The following PITPNB variants were observed in gnomAD, a reference collection of about 807,000 sequenced individuals.
PITPNB encodes the protein phosphatidylinositol transfer protein beta.
PITPNB carries 16 observed loss-of-function variants against 45.9 expected under a neutral mutation model. The ratio of observed to expected loss-of-function variants is 0.35; its 90% CI spans 0.24 to 0.53. The LOEUF is 0.53. Ranked by LOEUF, PITPNB falls within the 20% of genes least tolerant of loss-of-function variation. The probability of loss-of-function intolerance (pLI) is 0.93; values close to 1 mark genes in which losing one functional copy is unlikely to be tolerated. For synonymous variants in PITPNB, 112 were observed against 108.9 expected (o/e 1.03, Z -0.18); for missense variants, 188 against 330.5 (o/e 0.57, Z 3.34).
At chr22:27,898,111 C>A in intron 3 of PITPNB, 2 of 471,014 alleles carry the variant, frequency 4.2e-6, no homozygotes, top group Non-Finnish European at 7.8e-6. Context: ...TATGGTGGCT[C>A]ATGCCTGTAA....
At chr22:27,910,588 C>A in intron 3 of PITPNB, 1 of 167,294 alleles carries the variant, frequency 6.0e-6, no homozygotes, top group Admixed American at 5.8e-5. Flanking sequence ...CAAAACCATT[C>A]ATATGGTCCA....
chr22:27,887,735 G>C (rs1935165797), intron 7 of PITPNB, among the ~76,000 whole-genome samples: 1 of 152,102 alleles, frequency 6.6e-6, no homozygotes, highest in Admixed American at 6.5e-5. Context: ...TATGGCAGAT[G>C]CATCCTAAAG....
chr22:27,868,846 C>G (rs2085662386), intron 8 of PITPNB, among the ~76,000 whole-genome samples: 4 of 152,114 alleles, frequency 2.6e-5, no homozygotes, highest in Admixed American at 2.6e-4. Context: ...TTTGACAAAG[C>G]CTCTTACAAA....
intron 3 of PITPNB, chr22:27,910,553 T>C (rs1183501648): frequency 6.3e-6 from 1 of 159,566 alleles, no homozygotes; most frequent in Admixed American, 6.1e-5. Context: ...ATATGGAAGA[T>C]GTTCATCAGA....
At chr22:27,913,816 G>T (rs1221328656) in intron 2 of PITPNB, among the ~76,000 whole-genome samples, 3 of 152,158 alleles carry the variant, frequency 2.0e-5, no homozygotes, top group South Asian at 2.1e-4. Context: ...TTGGCTGGAG[G>T]GGAGAGCTGC....
chr22:27,862,207 C>A (rs1324174734), intron 8 of PITPNB, among the ~76,000 whole-genome samples: 1 of 152,158 alleles, frequency 6.6e-6, no homozygotes, highest in Non-Finnish European at 1.5e-5. Flanking sequence ...AAATCGGCCA[C>A]ATACATTCAA....
intron 8 of PITPNB, among the ~76,000 whole-genome samples, chr22:27,873,211 G>A (rs550452098): frequency 2.2e-4 from 34 of 152,320 alleles, no homozygotes; most frequent in African/African-American, 7.9e-4. Flanking sequence ...AGGCTGCAGT[G>A]AGCCCAGATT....
intron 3 of PITPNB, 25 bp downstream of exon 3, chr22:27,910,939 G>A: frequency 6.3e-7 from 1 of 1,591,962 alleles, no homozygotes; most frequent in African/African-American, 1.3e-5. Flanking sequence ...GTAGTTACAA[G>A]GCGTCAAATG....
At chr22:27,855,338 C>T (rs1436807952) in intron 10 of PITPNB, among the ~76,000 whole-genome samples, 4 of 152,060 alleles carry the variant, frequency 2.6e-5, no homozygotes, top group African/African-American at 9.7e-5. Context: ...CTTCTGAGAA[C>T]AGGGTCTCTC....
Position 27,852,120 on chromosome 22 carries a change from T to TC in PITPNB, c.*1581dup, listed in dbSNP as rs1934036141. ...ATGCAGTAGTGATCCTACACATCCT[T>TC]CCTTGTCTGATTCACTGAAATCACT... On this transcript the variant is annotated 3_prime_UTR_variant, in exon 12 of 12. Coordinates refer to ENST00000335272, the MANE Select transcript of PITPNB (RefSeq NM_012399.5). 1 of 152,192 alleles carries TC rather than the reference T, an allele frequency of 6.6e-6. No homozygotes were observed. Among genetic ancestry groups the TC allele is most frequent in the African/African-American group, 2.4e-5 (1 of 41,442 alleles). 9.4% of individuals were successfully genotyped at this position (152,192 alleles called of 1,614,324 possible). A position where few individuals can be genotyped will look rare whatever the true frequency, so the allele number is the denominator to read the frequency against.
intron 2 of PITPNB, 131 bp from the exon 3 acceptor site, chr22:27,911,240 T>A: frequency 6.9e-6 from 4 of 580,006 alleles, no homozygotes; most frequent in Non-Finnish European, 1.2e-5. Flanking sequence ...GTGTTCAATA[T>A]GAAAACACAA....
At chr22:27,891,578 T>C (rs536586036) in intron 7 of PITPNB, among the ~76,000 whole-genome samples, 12 of 152,280 alleles carry the variant, frequency 7.9e-5, no homozygotes. Flanking sequence ...TCCCCATGTG[T>C]CAAGGAAGGG....
intron 7 of PITPNB, among the ~76,000 whole-genome samples, chr22:27,882,452 T>C (rs1935000351): frequency 6.6e-6 from 1 of 152,256 alleles, no homozygotes; most frequent in South Asian, 2.1e-4. Context: ...AACAGGACAC[T>C]GTTCTTACTA....
At chr22:27,903,877 T>A (rs1019796105) in intron 3 of PITPNB, among the ~76,000 whole-genome samples, 9 of 151,808 alleles carry the variant, frequency 5.9e-5, no homozygotes, top group African/African-American at 2.2e-4. Context: ...AAAAAGCACT[T>A]GAAAAGATGT....
At chr22:27,905,467 C>G (rs146655479) in intron 3 of PITPNB, among the ~76,000 whole-genome samples, 20 of 152,260 alleles carry the variant, frequency 1.3e-4, no homozygotes, top group Non-Finnish European at 2.1e-4. Context: ...CTTACATGTG[C>G]AAGATGCTCT....
At chr22:27,860,085 C>T (rs755842103) in intron 9 of PITPNB, 46 bp downstream of exon 9, 23 of 1,095,586 alleles carry the variant, frequency 2.1e-5, no homozygotes, top group Middle Eastern at 2.0e-4. Flanking sequence ...TAGCTAGCTC[C>T]GATCTCATCC....
intron 7 of PITPNB, among the ~76,000 whole-genome samples, chr22:27,890,278 A>G (rs1456258855): frequency 1.3e-5 from 2 of 151,556 alleles, no homozygotes; most frequent in South Asian, 2.1e-4. Context: ...CTCCAGGCTT[A>G]AAAACTGTCA....
At chr22:27,889,818 C>A (rs1935223342) in intron 7 of PITPNB, among the ~76,000 whole-genome samples, 1 of 152,228 alleles carries the variant, frequency 6.6e-6, no homozygotes, top group South Asian at 2.1e-4. Flanking sequence ...TATGACATTA[C>A]CGTTTTAGAA....
At chr22:27,898,528 T>C (rs1490661657) in intron 3 of PITPNB, among the ~76,000 whole-genome samples, 1 of 152,012 alleles carries the variant, frequency 6.6e-6, no homozygotes, top group African/African-American at 2.4e-5. Context: ...TGCACATTAA[T>C]ACAATGTAGT....
Sources: allele counts gnomAD v4.1 joint callset (sites outside exome capture counted in the v4.1 genomes callset), GRCh38; gene constraint gnomAD v4.1.1; transcripts MANE v1.5; gene names NCBI Gene and HGNC (gene_info 2026-07-23, HGNC 2026-07-21).